MBTPS1: variants seen among roughly 807,000 people sequenced by gnomAD.
The protein encoded by MBTPS1 is membrane bound transcription factor peptidase, site 1, also known as membrane-bound transcription factor site-1 protease.
In MBTPS1, 94 loss-of-function variants were observed where a neutral mutation model predicts 127.8. The observed-to-expected ratio is 0.74, with a 90% confidence interval of 0.62 to 0.87. The LOEUF (loss-of-function observed/expected upper bound fraction) is 0.87, where lower values mean the gene tolerates loss of function less well. Among genes scored for constraint, MBTPS1 ranks in the 40% least tolerant of loss-of-function variants. The probability of loss-of-function intolerance (pLI) is 0.00; values close to 1 mark genes in which losing one functional copy is unlikely to be tolerated. For synonymous variants in MBTPS1, 632 were observed against 509.4 expected (o/e 1.24, Z -3.24); for missense variants, 1,636 against 1,353.2 (o/e 1.21, Z -3.28).
At chr16:84,101,264 C>T (rs2086250988) in intron 2 of MBTPS1, among the ~76,000 whole-genome samples, 1 of 152,044 alleles carries the variant, frequency 6.6e-6, no homozygotes, top group Non-Finnish European at 1.5e-5. Context: ...CGTGCCATTG[C>T]ACTCCAGCCT....
At position 84,095,565 on chromosome 16, in the gene MBTPS1, T is replaced by C. The variant is rs2086167079; in HGVS notation, c.625+37A>G. 5 of 1,604,558 alleles carry C rather than the reference T, an allele frequency of 3.1e-6. No homozygotes were observed. In the East Asian group the frequency reaches 8.9e-5, roughly 29 times the overall value. On this transcript the variant is annotated intron_variant, in intron 4 of 22. Transcript: ENST00000343411. ...CCCTGGGTAATAGCACACACCTGTA[T>C]ATCCCATAAGCACCTTCCCTGGGTA... is the stretch of plus-strand genomic sequence containing the variant.
intron 1 of MBTPS1, among the ~76,000 whole-genome samples, chr16:84,115,551 A>G (rs2086462438): frequency 6.6e-6 from 1 of 152,252 alleles, no homozygotes; most frequent in Non-Finnish European, 1.5e-5. Context: ...TTTGGTCATA[A>G]AAGGAATGAA....
chr16:84,082,406 G>C (rs867550007), intron 10 of MBTPS1, among the ~76,000 whole-genome samples: 1 of 152,054 alleles, frequency 6.6e-6, no homozygotes. Flanking sequence ...TTCCAGATTG[G>C]GAGGCTTGTC....
rs1399585873 is a variant in MBTPS1 at position 84,081,764 on chromosome 16, G to A, written c.1431C>T (p.Ser477=). The A allele has an allele frequency of 1.4e-6, 2 of 1,433,184 alleles. No individual in the cohort carries two copies. Among genetic ancestry groups the A allele is most frequent in the Non-Finnish European group, 1.8e-6 (2 of 1,084,502 alleles). The allele number at this position is 1,433,184 out of a possible 1,614,324, so 88.8% of individuals were successfully genotyped here. ...GCACTGACCTTGCCTGTGGCTTGTA[G>A]CTGTTGAGGATCTGATAGGCTCTGA... ...DLLRAYQILN[S]YKPQASLSPS... is the part of the protein sequence containing the mutation. The change falls in exon 11 of 23, where the codon AGC becomes AGT. Residue 477 remains serine (S), a synonymous_variant. Coordinates refer to ENST00000343411, the MANE Select transcript of MBTPS1 (RefSeq NM_003791.4).
rs1567490157 is a variant in MBTPS1 at position 84,085,137 on chromosome 16, A to G, written c.1135-3T>C. The G allele has an allele frequency of 6.2e-7, 1 of 1,614,004 alleles. No homozygotes were observed. The highest frequency in any genetic ancestry group is 1.7e-5 in the Admixed American group (1 of 59,990). On this transcript the variant is annotated splice_region_variant and splice_polypyrimidine_tract_variant and intron_variant, in intron 9 of 22. Coordinates refer to ENST00000343411, the MANE Select transcript of MBTPS1 (RefSeq NM_003791.4). Reference sequence around the variant, plus strand: ...CGACCGTAGCCTCCTGGTAGCTCCTATGAATAAAAGCAGCTTGGTTGCTAC... The same window carrying G: ...CGACCGTAGCCTCCTGGTAGCTCCTGTGAATAAAAGCAGCTTGGTTGCTAC...
At chr16:84,087,277 C>A in intron 9 of MBTPS1, 81 bp downstream of exon 9, 1 of 1,097,464 alleles carries the variant, frequency 9.1e-7, no homozygotes, top group South Asian at 1.3e-5. Flanking sequence ...CAAATACACC[C>A]CAAGGCTCGT....
chr16:84,105,975 G>T (rs1325240160), intron 1 of MBTPS1, among the ~76,000 whole-genome samples: 1 of 152,158 alleles, frequency 6.6e-6, no homozygotes, highest in Non-Finnish European at 1.5e-5. Flanking sequence ...ACAGTATTTA[G>T]CTGGTGATAA....
intron 12 of MBTPS1, 33 bp downstream of exon 12, chr16:84,074,564 C>A (rs2085823147): frequency 1.2e-6 from 2 of 1,606,236 alleles, no homozygotes; most frequent in Non-Finnish European, 1.7e-6. Flanking sequence ...AGTTCACCAT[C>A]AAGTCAGAGA....
chr16:84,101,784 G>A lies in MBTPS1; in HGVS notation c.-1C>T, dbSNP rs1301111918. 1 of 1,607,926 alleles carries A rather than the reference G, an allele frequency of 6.2e-7. No individual in the cohort carries two copies. The highest frequency in any genetic ancestry group is 1.3e-5 in the African/African-American group (1 of 74,692). On this transcript the variant is annotated 5_prime_UTR_variant, in exon 2 of 23. Coordinates refer to ENST00000343411, the MANE Select transcript of MBTPS1 (RefSeq NM_003791.4). The stretch of plus-strand genomic sequence containing the variant: ...GCAGCCAGATGTTGACAAGCTTCAT[G>A]GTCACAAGCGAATATGATCATAAAA...
intron 1 of MBTPS1, among the ~76,000 whole-genome samples, chr16:84,111,768 G>T (rs181871834): frequency 1.1e-4 from 16 of 152,224 alleles, no homozygotes; most frequent in African/African-American, 3.9e-4. Flanking sequence ...AATTCATGTT[G>T]TTCTAGGCCA....
chr16:84,061,191 G>C, intron 19 of MBTPS1: 1 of 166,958 alleles, frequency 6.0e-6, no homozygotes, highest in East Asian at 1.7e-4. Context: ...GGGGAAATGG[G>C]AGTTCAGAAG....
intron 1 of MBTPS1, among the ~76,000 whole-genome samples, chr16:84,105,785 C>T (rs902464001): frequency 6.6e-6 from 1 of 152,064 alleles, no homozygotes; most frequent in South Asian, 2.1e-4. Flanking sequence ...AGCCCAACGA[C>T]GAGACTGCTG....
Position 84,102,016 on chromosome 16 carries a change from T to G in MBTPS1, c.-233A>C, listed in dbSNP as rs919211778. 2.0e-6 allele frequency: 1 copy of G among 502,250 alleles called. No individual in the cohort carries two copies. The highest frequency in any genetic ancestry group is 3.5e-5 in the Admixed American group (1 of 28,960). The allele number at this position is 502,250 out of a possible 1,614,324, so 31.1% of individuals were successfully genotyped here. A position where few individuals can be genotyped will look rare whatever the true frequency, so the allele number is the denominator to read the frequency against. ...CTCCATCTTGGAAATAAGGCTTCTC[T>G]CACTCAGGCCGTGACGACTGAGTCC... On this transcript the variant is annotated 5_prime_UTR_variant, in exon 2 of 23. It removes the in-frame stop codon of an upstream open reading frame in the 5' UTR. Coordinates refer to ENST00000343411, the MANE Select transcript of MBTPS1 (RefSeq NM_003791.4).
At chr16:84,065,307 C>A (rs2085665740) in intron 18 of MBTPS1, among the ~76,000 whole-genome samples, 1 of 152,066 alleles carries the variant, frequency 6.6e-6, no homozygotes, top group Non-Finnish European at 1.5e-5. Flanking sequence ...TTAGTAGAGA[C>A]AGGGTTTCAC....
intron 14 of MBTPS1, among the ~76,000 whole-genome samples, chr16:84,068,871 G>A (rs539790081): frequency 2.6e-5 from 4 of 152,344 alleles, no homozygotes; most frequent in African/African-American, 9.6e-5. Flanking sequence ...CAGCGGCACA[G>A]CTAACTGATA....
rs764828994 is a variant in MBTPS1, at chr16:84,060,661, GCATCCTGCCCATC to G, written c.2704+8_2704+20del. On this transcript the variant is annotated splice_region_variant and intron_variant, in intron 20 of 22. Coordinates refer to ENST00000343411, the MANE Select transcript of MBTPS1 (RefSeq NM_003791.4). ...AGCTGGATCCAATTCCCTCCCCAAG[GCATCCTGCCCATC>G]CACTCACCTTCCATCCTCTCTGGAG... 2.6e-5 allele frequency: 42 copies of G among 1,608,434 alleles called. No homozygotes were observed. The highest frequency in any genetic ancestry group is 3.6e-5 in the Non-Finnish European group (42 of 1,175,788).
intron 3 of MBTPS1, among the ~76,000 whole-genome samples, chr16:84,097,868 G>GTGTT (rs1555512944): frequency 8.5e-4 from 129 of 151,228 alleles, no homozygotes; most frequent in Non-Finnish European, 1.6e-3. Context: ...GTGTGTGTGT[G>GTGTT]TGTTTGTGTG....
rs113848224 is a variant in MBTPS1 at position 84,091,789 on chromosome 16, G to A, written c.906C>T (p.Asp302=). Residue 302 remains aspartate, a synonymous_variant, in exon 7 of 23, where the codon GAC becomes GAT. Transcript: ENST00000343411. ...GGCCGCCGATGCTGAGGTTTAACAC[G>A]TCGATCTTCTTTAAAATGGCATAGT... The part of the protein sequence containing the change: ...AFNYAILKKI[D]VLNLSIGGPD... The A allele has an allele frequency of 5.8e-4, 932 of 1,613,996 alleles. 6 individuals are homozygous for A. The highest frequency in any genetic ancestry group is 3.3e-4 in the Middle Eastern group (2 of 6,084).
intron 1 of MBTPS1, among the ~76,000 whole-genome samples, chr16:84,108,413 G>A (rs1170993098): frequency 1.3e-5 from 2 of 152,264 alleles, no homozygotes; most frequent in East Asian, 1.9e-4. Context: ...ACAGGCACAC[G>A]CCACCACACC....
Sources: gnomAD v4.1 joint callset for allele counts (sites outside exome capture counted in the v4.1 genomes callset) on GRCh38, gnomAD v4.1.1 for gene constraint, MANE v1.5 for transcripts, NCBI Gene and HGNC (gene_info 2026-07-23, HGNC 2026-07-21) for gene names.